Variants in ARL13A observed in about 807,000 individuals in gnomAD.
The protein encoded by ARL13A is ARF like GTPase 13A.
A neutral mutation model predicts 19.1 loss-of-function variants in ARL13A; 16 were observed. That is an observed-to-expected ratio of 0.84 (90% confidence interval 0.57 to 1.27). The LOEUF is 1.27. Among genes scored for constraint, ARL13A ranks in the 50% most tolerant of loss-of-function variants. ARL13A has a pLI of 0.00. For synonymous variants in ARL13A, 69 were observed against 71.3 expected (o/e 0.97, Z 0.17); for missense variants, 153 against 186.4 (o/e 0.82, Z 1.04).
At chrX:100,985,940 A>G in intron 4 of ARL13A, 24 bp downstream of exon 4, 1 of 1,188,997 alleles carries the variant, frequency 8.4e-7, no homozygotes, top group Non-Finnish European at 1.1e-6. Context: ...TTTCTGTCCT[A>G]TTTCTGCTTC....
intron 1 of ARL13A, among the ~76,000 whole-genome samples, chrX:100,971,299 C>T (rs960691219): frequency 9.8e-6 from 1 of 102,534 alleles, no homozygotes; most frequent in African/African-American, 3.7e-5. Flanking sequence ...CCAATGCCCA[C>T]ATCTTTGAAG....
At chrX:100,989,595 C>T (rs1202264410) in intron 7 of ARL13A, among the ~76,000 whole-genome samples, 72 of 101,802 alleles carry the variant, frequency 7.1e-4, no homozygotes, top group African/African-American at 2.4e-3. Flanking sequence ...GGCAACAGAG[C>T]GGGACTCCAT....
intron 3 of ARL13A, among the ~76,000 whole-genome samples, chrX:100,981,990 C>T (rs2085863566): frequency 9.1e-6 from 1 of 109,881 alleles, no homozygotes; most frequent in East Asian, 2.9e-4. Flanking sequence ...TTATTATTGA[C>T]CATTCACTAA....
intron 3 of ARL13A, among the ~76,000 whole-genome samples, chrX:100,978,334 T>A (rs2085800207): frequency 1.8e-5 from 2 of 111,333 alleles, no homozygotes; most frequent in South Asian, 7.5e-4. Context: ...TGTATTGGGG[T>A]CTATCTCTCT....
chrX:100,977,652 A>ATT (rs1324379964), intron 3 of ARL13A, among the ~76,000 whole-genome samples: 13 of 111,588 alleles, frequency 1.2e-4, no homozygotes, highest in African/African-American at 4.2e-4. Flanking sequence ...AAGTGCTGGG[A>ATT]TTATAGGCAT....
At chrX:100,984,042 G>C (rs1425652323) in intron 3 of ARL13A, among the ~76,000 whole-genome samples, 1 of 111,043 alleles carries the variant, frequency 9.0e-6, no homozygotes, top group Non-Finnish European at 1.9e-5. Flanking sequence ...AGCTAGGCTA[G>C]AACGGTCAGT....
chrX:100,987,312 G>A (rs2085949196), intron 5 of ARL13A, 78 bp from the exon 6 acceptor site: 7 of 1,011,911 alleles, frequency 6.9e-6, no homozygotes, highest in South Asian at 2.2e-5. Context: ...TTCACTCTTT[G>A]AATGAGAGTG....
Position 100,988,207 on chromosome X carries a change from C to A in ARL13A, c.668C>A (p.Thr223Lys), listed in dbSNP as rs754504320. 3 of 1,205,270 alleles carry A rather than the reference C, an allele frequency of 2.5e-6. No individual in the cohort carries two copies. The highest frequency in any genetic ancestry group is 2.3e-4 in the Middle Eastern group (1 of 4,363). The stretch of plus-strand genomic sequence containing the variant: ...TCTTCCACCAGCTTCTCCACCAGAA[C>A]AGGAATGTCAAAGGAGAAAAGACAG... ...RCSSHSFSTR[T>K]GMSKEKRQHL... The change falls in exon 7 of 8, where the codon ACA becomes AAA. Residue 223 changes from threonine to lysine, a missense_variant. Coordinates refer to ENST00000450049, the MANE Select transcript of ARL13A (RefSeq NM_001162491.2).
intron 5 of ARL13A, 83 bp downstream of exon 5, chrX:100,986,984 G>A: frequency 1.6e-6 from 1 of 624,752 alleles, no homozygotes; most frequent in Non-Finnish European, 2.4e-6. Context: ...AGTCCCATAT[G>A]TTGGGTTTGG....
chrX:100,981,801 C>A (rs1212368421), intron 3 of ARL13A, among the ~76,000 whole-genome samples: 1 of 105,117 alleles, frequency 9.5e-6, no homozygotes, highest in Non-Finnish European at 1.9e-5. Context: ...AGAGTGAGAC[C>A]CTGTCTCAAA....
rs2147975925 is a variant in ARL13A, at chrX:100,987,370, T to C, written c.487-20T>C. The C allele has an allele frequency of 8.3e-7, 1 of 1,205,138 alleles. No homozygotes were observed. The highest frequency in any genetic ancestry group is 2.2e-5 in the Admixed American group (1 of 45,369). ...GTCCCAGGCTCCAGGTCTGCAGCCT[T>C]CTCTTCTCTTTTGTCACAGGAGCCA... On this transcript the variant is annotated intron_variant, in intron 5 of 7. Transcript: ENST00000450049.
chrX:100,985,116 C>T (rs2085917589), intron 3 of ARL13A, among the ~76,000 whole-genome samples: 1 of 111,849 alleles, frequency 8.9e-6, no homozygotes, highest in Admixed American at 9.5e-5. Context: ...TAGGCATTAA[C>T]TAAGCAAAGA....
rs766837970 is a variant in ARL13A, at chrX:100,987,387, C to T, written c.487-3C>T. On this transcript the variant is annotated splice_polypyrimidine_tract_variant and splice_region_variant and intron_variant, in intron 5 of 7. Transcript: ENST00000450049. ...TGCAGCCTTCTCTTCTCTTTTGTCACAGGAGCCATGTTCAGCCATCAGAAA... is the reference window on the plus strand; with the variant it reads ...TGCAGCCTTCTCTTCTCTTTTGTCATAGGAGCCATGTTCAGCCATCAGAAA... The T allele has an allele frequency of 2.5e-6, 3 of 1,207,423 alleles. No individual in the cohort carries two copies. Among genetic ancestry groups the T allele is most frequent in the Non-Finnish European group, 2.2e-6 (2 of 894,720 alleles).
Position 100,988,300 on chromosome X carries a change from A to G in ARL13A, c.744+17A>G. 1 of 1,205,824 alleles carries G rather than the reference A, an allele frequency of 8.3e-7. No homozygotes were observed. Among genetic ancestry groups the G allele is most frequent in the East Asian group, 3.0e-5 (1 of 33,782 alleles). Reference sequence around the variant, plus strand: ...ATCCTACAGGTAAATGGCCCTTTAAATGTTAATATTCAGTGACCAATCCCT... The same window carrying G: ...ATCCTACAGGTAAATGGCCCTTTAAGTGTTAATATTCAGTGACCAATCCCT... On this transcript the variant is annotated intron_variant, in intron 7 of 7. Transcript: ENST00000450049.
At chrX:100,979,626 A>C (rs2085823508) in intron 3 of ARL13A, among the ~76,000 whole-genome samples, 1 of 111,392 alleles carries the variant, frequency 9.0e-6, no homozygotes, top group Admixed American at 9.5e-5. Context: ...TAGCTCTTTT[A>C]GTGAGGTCAT....
intron 3 of ARL13A, among the ~76,000 whole-genome samples, chrX:100,978,426 T>C (rs1488208008): frequency 8.9e-6 from 1 of 111,928 alleles, no homozygotes; most frequent in Non-Finnish European, 1.9e-5. Context: ...ATACACTTGC[T>C]GAATTGATCC....
chrX:100,972,303 G>T (rs1237236421), intron 1 of ARL13A, among the ~76,000 whole-genome samples: 3 of 94,792 alleles, frequency 3.2e-5, no homozygotes, highest in African/African-American at 7.8e-5. Context: ...CCAGTAGGGG[G>T]GGCCGGGCAG....
chrX:100,970,599 A>G (rs1297509319), intron 1 of ARL13A, among the ~76,000 whole-genome samples: 1 of 111,753 alleles, frequency 8.9e-6, no homozygotes, highest in African/African-American at 3.3e-5. Flanking sequence ...ATATACCAAA[A>G]TCTGTGCATT....
chrX:100,974,372 C>G (rs1364946825), intron 3 of ARL13A, among the ~76,000 whole-genome samples, 175 bp downstream of exon 3: 1 of 109,798 alleles, frequency 9.1e-6, no homozygotes, highest in Admixed American at 9.7e-5. Context: ...CTCTGTCTCT[C>G]TCTCTCTCTC....
Sources: allele counts gnomAD v4.1 joint callset (sites outside exome capture counted in the v4.1 genomes callset), GRCh38; gene constraint gnomAD v4.1.1; transcripts MANE v1.5; gene names NCBI Gene and HGNC (gene_info 2026-07-23, HGNC 2026-07-21).